The following HRH1 variants were observed in gnomAD, a reference collection of about 807,000 sequenced individuals.
HRH1 encodes the protein histamine receptor H1.
In HRH1, 6 loss-of-function variants were observed where a neutral mutation model predicts 10.3. The observed-to-expected ratio is 0.58, with a 90% CI of 0.32 to 1.15. The LOEUF is 1.15. HRH1 is among the 50% of genes most tolerant of loss of function. The pLI, the probability that HRH1 is intolerant of heterozygous loss-of-function variation, is 0.05. For synonymous variants in HRH1, 242 were observed against 236.7 expected, an observed-to-expected ratio of 1.02 and a Z score of -0.21; for missense variants, 514 against 615.3, an observed-to-expected ratio of 0.84 and a Z score of 1.74.
At chr3:11,245,339 C>T (rs565482128) in intron 1 of HRH1, among the ~76,000 whole-genome samples, 6 of 117,100 alleles carry the variant, frequency 5.1e-5, no homozygotes, top group Admixed American at 4.6e-4. Flanking sequence ...GGTGACTGAA[C>T]GAGACTTCAT....
chr3:11,161,879 G>C, intron 1 of HRH1, among the ~76,000 whole-genome samples: 1 of 152,186 alleles, frequency 6.6e-6, no homozygotes, highest in Non-Finnish European at 1.5e-5. Flanking sequence ...AGGGGGCGGT[G>C]GGAAGGGCCG....
At chr3:11,239,115 G>C (rs1411867793) in intron 1 of HRH1, among the ~76,000 whole-genome samples, 2 of 152,168 alleles carry the variant, frequency 1.3e-5, no homozygotes, top group Non-Finnish European at 2.9e-5. Flanking sequence ...TGCACCATTT[G>C]ACATTTCCAC....
intron 1 of HRH1, among the ~76,000 whole-genome samples, chr3:11,204,077 C>T (rs771602272): frequency 1.3e-5 from 2 of 152,102 alleles, no homozygotes; most frequent in Non-Finnish European, 2.9e-5. Flanking sequence ...TACTGTGTGC[C>T]AAAAATCATT....
chr3:11,196,299 G>C (rs1029936855), intron 1 of HRH1, among the ~76,000 whole-genome samples: 3 of 152,158 alleles, frequency 2.0e-5, no homozygotes, highest in African/African-American at 7.2e-5. Context: ...TCATCCTGGA[G>C]CACCCTTTCC....
intron 1 of HRH1, among the ~76,000 whole-genome samples, chr3:11,194,313 G>C (rs1191042125): frequency 6.6e-6 from 1 of 152,152 alleles, no homozygotes; most frequent in East Asian, 1.9e-4. Context: ...TGCAAGCCTA[G>C]CTTTTTCAAC....
intron 1 of HRH1, among the ~76,000 whole-genome samples, chr3:11,185,141 C>T (rs1289403465): frequency 6.6e-6 from 1 of 151,980 alleles, no homozygotes; most frequent in African/African-American, 2.4e-5. Context: ...ATTTGAAGTG[C>T]CTGGGTCCTA....
At chr3:11,218,719 C>T (rs774761492) in intron 1 of HRH1, among the ~76,000 whole-genome samples, 18 of 150,890 alleles carry the variant, frequency 1.2e-4, no homozygotes, top group Non-Finnish European at 1.8e-4. Context: ...GGGATTATAG[C>T]GTGGGCCACC....
At chr3:11,205,666 CTT>C (rs1334327486) in intron 1 of HRH1, among the ~76,000 whole-genome samples, 17 of 141,316 alleles carry the variant, frequency 1.2e-4, no homozygotes, top group Admixed American at 2.1e-4. Flanking sequence ...CACAGGTTTT[CTT>C]TTTTTTTTTT....
At chr3:11,190,868 C>T (rs371582627) in intron 1 of HRH1, among the ~76,000 whole-genome samples, 4 of 152,234 alleles carry the variant, frequency 2.6e-5, no homozygotes. Context: ...CTAAGTGAGA[C>T]AGGAAGATCC....
At chr3:11,185,482 G>A (rs978986231) in intron 1 of HRH1, among the ~76,000 whole-genome samples, 15 of 152,208 alleles carry the variant, frequency 9.9e-5, no homozygotes, top group Admixed American at 8.5e-4. Flanking sequence ...ACCTGCCTCT[G>A]TATACCCAGC....
At chr3:11,196,729 T>C (rs2125024608) in intron 1 of HRH1, among the ~76,000 whole-genome samples, 1 of 152,054 alleles carries the variant, frequency 6.6e-6, no homozygotes, top group African/African-American at 2.4e-5. Context: ...TGTCACAGGG[T>C]ATTATATCCC....
intron 1 of HRH1, among the ~76,000 whole-genome samples, chr3:11,214,014 G>T (rs982035642): frequency 1.3e-5 from 2 of 152,164 alleles, no homozygotes; most frequent in Non-Finnish European, 2.9e-5. Flanking sequence ...CCGGGCAAGG[G>T]TCTCAGGGGG....
chr3:11,205,622 A>G (rs1371176947), intron 1 of HRH1, among the ~76,000 whole-genome samples: 1 of 151,142 alleles, frequency 6.6e-6, no homozygotes, highest in Non-Finnish European at 1.5e-5. Context: ...CATGTTTCGC[A>G]TGGGCAAGAG....
intron 1 of HRH1, among the ~76,000 whole-genome samples, chr3:11,227,198 C>T (rs1408647353): frequency 6.6e-6 from 1 of 152,092 alleles, no homozygotes; most frequent in Non-Finnish European, 1.5e-5. Flanking sequence ...TCTTCAGTCA[C>T]CTGTAGTGCA....
At chr3:11,195,837 A>G (rs949009833) in intron 1 of HRH1, among the ~76,000 whole-genome samples, 2 of 152,090 alleles carry the variant, frequency 1.3e-5, no homozygotes, top group Non-Finnish European at 2.9e-5. Flanking sequence ...CCCACCCCAA[A>G]CACGCTGTCT....
At chr3:11,182,024 C>A (rs1042729553) in intron 1 of HRH1, among the ~76,000 whole-genome samples, 3 of 152,048 alleles carry the variant, frequency 2.0e-5, no homozygotes, top group Admixed American at 1.3e-4. Flanking sequence ...GCTCTGTCAC[C>A]CAGGCTAGAG....
chr3:11,237,777 G>A (rs757396639), intron 1 of HRH1, among the ~76,000 whole-genome samples: 4 of 135,636 alleles, frequency 2.9e-5, no homozygotes, highest in Non-Finnish European at 6.1e-5. Flanking sequence ...CCAGGTTCAA[G>A]CAATTCTCCT....
chr3:11,175,172 A>G (rs534782369), intron 1 of HRH1, among the ~76,000 whole-genome samples: 2 of 152,342 alleles, frequency 1.3e-5, no homozygotes, highest in South Asian at 4.1e-4. Context: ...AACAAAAATA[A>G]TCATGATAAT....
At chr3:11,251,982 A>G (rs773553487) in intron 1 of HRH1, among the ~76,000 whole-genome samples, 17 of 152,128 alleles carry the variant, frequency 1.1e-4, no homozygotes, top group African/African-American at 4.1e-4. Flanking sequence ...TTGGGTAAGT[A>G]CTCCCAAGGC....
Sources: gnomAD v4.1 joint callset for allele counts (sites outside exome capture counted in the v4.1 genomes callset) on GRCh38, gnomAD v4.1.1 for gene constraint, MANE v1.5 for transcripts, NCBI Gene and HGNC (gene_info 2026-07-23, HGNC 2026-07-21) for gene names.